Variants in SLC12A2 observed in about 807,000 individuals in gnomAD.
The protein encoded by SLC12A2 is solute carrier family 12 member 2.
Under a neutral mutation model 136.3 loss-of-function variants are expected in SLC12A2, and 67 were observed. That is an observed-to-expected ratio of 0.49 (90% confidence interval 0.40 to 0.60). SLC12A2 has a LOEUF of 0.60. Among genes scored for constraint, SLC12A2 ranks in the 20% least tolerant of loss-of-function variants. The pLI is 0.00. For synonymous variants in SLC12A2, 619 were observed against 562.9 expected, an observed-to-expected ratio of 1.10 and a Z score of -1.41; for missense variants, 1,322 against 1,534.7, an observed-to-expected ratio of 0.86 and a Z score of 2.32.
At chr5:128,180,599 G>A (rs769459362) in intron 22 of SLC12A2, among the ~76,000 whole-genome samples, 1 of 152,096 alleles carries the variant, frequency 6.6e-6, no homozygotes, top group East Asian at 1.9e-4. Flanking sequence ...TCCTGCTAAG[G>A]TCAATAATTA....
intron 10 of SLC12A2, 101 bp from the exon 11 acceptor site, chr5:128,147,521 C>T (rs780820704): frequency 1.4e-4 from 93 of 668,018 alleles, no homozygotes; most frequent in Middle Eastern, 3.8e-4. Context: ...ATAAAATGAT[C>T]CCTAGTGTTA....
In SLC12A2 at chr5:128,155,490, G is replaced by A. The variant is rs1040383360; in HGVS notation, c.2364-2563G>A. Among the ~76,000 whole-genome samples, 9 of 152,270 alleles carry A rather than the reference G, an allele frequency of 5.9e-5. No individual in the cohort carries two copies. In the East Asian group the frequency reaches 1.7e-3, roughly 29 times the overall value. Reference sequence around the variant, plus strand: ...AAACATGCTGTAACAGCTGAGCCATGTAGTAAATTATTACTGTTTTTTCTT... The same window carrying A: ...AAACATGCTGTAACAGCTGAGCCATATAGTAAATTATTACTGTTTTTTCTT... On this transcript the variant is annotated intron_variant, in intron 15 of 26. Coordinates refer to ENST00000262461, the MANE Select transcript of SLC12A2 (RefSeq NM_001046.3).
intron 1 of SLC12A2, chr5:128,109,413 G>C: frequency 2.9e-6 from 1 of 342,470 alleles, no homozygotes; most frequent in Non-Finnish European, 5.7e-6. Context: ...CCCTGCCGAA[G>C]CCTCGGCTGC....
chr5:128,158,417 T>A (rs893437796), intron 16 of SLC12A2, among the ~76,000 whole-genome samples: 1 of 152,196 alleles, frequency 6.6e-6, no homozygotes, highest in Non-Finnish European at 1.5e-5. Flanking sequence ...ATGTACTTAA[T>A]GTTTAGCTCC....
rs1215683643 is a variant in SLC12A2, at chr5:128,186,422, A to G, written c.3504-74A>G. The G allele has an allele frequency of 1.8e-5, 26 of 1,429,300 alleles. No homozygotes were observed. In the Admixed American group the frequency reaches 5.4e-4, roughly 29 times the overall value. 88.5% of individuals were successfully genotyped at this position (1,429,300 alleles called of 1,614,324 possible). A position where few individuals can be genotyped will look rare whatever the true frequency, so the allele number is the denominator to read the frequency against. Reference sequence around the variant, plus strand: ...AACTGTTATTGTAATCTACTTTATAATTTTTGCTACATTTTATTCTGTAAA... The same window carrying G: ...AACTGTTATTGTAATCTACTTTATAGTTTTTGCTACATTTTATTCTGTAAA... On this transcript the variant is annotated intron_variant, in intron 26 of 26. Coordinates refer to ENST00000262461, the MANE Select transcript of SLC12A2 (RefSeq NM_001046.3).
chr5:128,140,857 T>TC (rs1261404730), intron 9 of SLC12A2, among the ~76,000 whole-genome samples: 1 of 151,972 alleles, frequency 6.6e-6, no homozygotes, highest in Non-Finnish European at 1.5e-5. Flanking sequence ...CAAGGACTGC[T>TC]CTGAATGGTA....
chr5:128,108,127 CAGA>C (rs964047696), intron 1 of SLC12A2, among the ~76,000 whole-genome samples: 4 of 151,818 alleles, frequency 2.6e-5, no homozygotes, highest in East Asian at 1.9e-4. Context: ...TACCAGCAAG[CAGA>C]AGAAGAATAA....
chr5:128,178,611 C>G lies in SLC12A2; in HGVS notation c.3022C>G (p.Leu1008Val), dbSNP rs149128192. 13 of 1,598,990 alleles carry G rather than the reference C, an allele frequency of 8.1e-6. No homozygotes were observed. The African/African-American group carries it at 1.5e-4, about 18-fold the overall frequency. The part of the protein sequence containing the change: ...IVPLNVADQK[L>V]LEASTQFQKK... ...GCCTTTAAATGTAGCTGACCAAAAG[C>G]TTCTTGAAGCTAGTACACAGTTTCA... Residue 1008 changes from leucine to valine, a missense_variant, in exon 22 of 27, where the codon CTT (leucine) becomes GTT (valine). Coordinates refer to ENST00000262461, the MANE Select transcript of SLC12A2 (RefSeq NM_001046.3).
intron 1 of SLC12A2, among the ~76,000 whole-genome samples, chr5:128,089,207 C>CTTAATAG: frequency 6.6e-6 from 1 of 150,610 alleles, no homozygotes; most frequent in South Asian, 2.1e-4. Context: ...CAAGAAATTG[C>CTTAATAG]TTAATAGCCA....
At chr5:128,179,583 T>C (rs1763635427) in intron 22 of SLC12A2, among the ~76,000 whole-genome samples, 1 of 152,112 alleles carries the variant, frequency 6.6e-6, no homozygotes. Flanking sequence ...AGCTTTTACT[T>C]ATGGCAGAAG....
chr5:128,110,902 CA>C (rs1296007615), intron 1 of SLC12A2: 1 of 1,062,044 alleles, frequency 9.4e-7, no homozygotes, highest in East Asian at 2.4e-5. Flanking sequence ...GAGTGGGCCG[CA>C]AATCTGAGAG....
rs775913466 is a variant in SLC12A2 at position 128,141,868 on chromosome 5, G to A, written c.1660G>A (p.Asp554Asn). The A allele has an allele frequency of 8.7e-6, 14 of 1,613,658 alleles. No homozygotes were observed. The highest frequency in any genetic ancestry group is 1.2e-5 in the Non-Finnish European group (14 of 1,179,712). The change falls in exon 10 of 27, where the codon GAC becomes AAC. Residue 554 changes from aspartate to asparagine, a missense_variant. Coordinates refer to ENST00000262461, the MANE Select transcript of SLC12A2 (RefSeq NM_001046.3). ...VVRDATGNVN[D>N]TIVTELTNCT... ...TCGAGATGCCACTGGAAACGTTAATGACACTATCGTAACAGAGCTAACAAA... is the reference window on the plus strand; with the variant it reads ...TCGAGATGCCACTGGAAACGTTAATAACACTATCGTAACAGAGCTAACAAA...
intron 14 of SLC12A2, among the ~76,000 whole-genome samples, chr5:128,152,182 G>T (rs1237048668): frequency 1.3e-5 from 2 of 152,090 alleles, no homozygotes; most frequent in African/African-American, 4.8e-5. Flanking sequence ...GATTAAAGTG[G>T]TAGCTCCAGA....
intron 1 of SLC12A2, among the ~76,000 whole-genome samples, chr5:128,093,437 T>G (rs1760412190): frequency 6.6e-6 from 1 of 152,146 alleles, no homozygotes; most frequent in Non-Finnish European, 1.5e-5. Context: ...ATCCAATGCT[T>G]GCTTGACATT....
At chr5:128,157,549 G>A (rs922507954) in intron 15 of SLC12A2, among the ~76,000 whole-genome samples, 1 of 152,156 alleles carries the variant, frequency 6.6e-6, no homozygotes, top group East Asian at 1.9e-4. Context: ...AAGAAGGAAA[G>A]TGACCTGTTT....
intron 25 of SLC12A2, 121 bp downstream of exon 25, chr5:128,184,622 A>T (rs1763810802): frequency 7.5e-7 from 1 of 1,328,966 alleles, no homozygotes. Flanking sequence ...AAATAGATTT[A>T]TTTGAGGTTA....
chr5:128,171,992 G>T, intron 19 of SLC12A2: 1 of 318,304 alleles, frequency 3.1e-6, no homozygotes. Context: ...ATAAGCTTAA[G>T]AGAAACAGAC....
At chr5:128,150,906 A>G (rs137981701) in intron 13 of SLC12A2, among the ~76,000 whole-genome samples, 35 of 152,068 alleles carry the variant, frequency 2.3e-4, no homozygotes, top group African/African-American at 8.2e-4. Flanking sequence ...CTAAGGATTC[A>G]ATTTGAAACC....
intron 1 of SLC12A2, among the ~76,000 whole-genome samples, chr5:128,098,200 C>A (rs1459842187): frequency 6.6e-6 from 1 of 152,058 alleles, no homozygotes; most frequent in Non-Finnish European, 1.5e-5. Context: ...GTTTTTCACT[C>A]TTCCTTCTTC....
Sources: gnomAD v4.1 joint callset for allele counts (sites outside exome capture counted in the v4.1 genomes callset) on GRCh38, gnomAD v4.1.1 for gene constraint, MANE v1.5 for transcripts, NCBI Gene and HGNC (gene_info 2026-07-23, HGNC 2026-07-21) for gene names.